The following CRYBB3 variants were observed in gnomAD, a reference collection of about 807,000 sequenced individuals.
The protein encoded by CRYBB3 is crystallin beta B3.
In CRYBB3, 35 loss-of-function variants were observed where a neutral mutation model predicts 28.3. That is an observed-to-expected ratio of 1.24 (90% CI 0.95 to 1.64). The LOEUF is 1.64. Among genes scored for constraint, CRYBB3 ranks in the 40% most tolerant of loss-of-function variants. The pLI, the probability that CRYBB3 is intolerant of heterozygous loss-of-function variation, is 0.00. For missense variants in CRYBB3, 296 were observed against 297.4 expected, an observed-to-expected ratio of 1.00 and a Z score of 0.04; for synonymous variants, 106 against 110.4, an observed-to-expected ratio of 0.96 and a Z score of 0.25.
chr22:25,206,457 C>T (rs943710755), intron 5 of CRYBB3, among the ~76,000 whole-genome samples: 2 of 152,136 alleles, frequency 1.3e-5, no homozygotes, highest in Admixed American at 1.3e-4. Context: ...GCAGGAGAAT[C>T]ACTTGAACCT....
intron 1 of CRYBB3, 77 bp from the exon 2 acceptor site, chr22:25,201,300 T>A: frequency 1.3e-6 from 2 of 1,593,876 alleles, no homozygotes; most frequent in Non-Finnish European, 1.7e-6. Context: ...GCTCTGTAGC[T>A]CATCCTGGAC....
intron 1 of CRYBB3, among the ~76,000 whole-genome samples, chr22:25,200,210 G>A (rs546479126): frequency 1.3e-5 from 2 of 152,204 alleles, no homozygotes; most frequent in Admixed American, 6.5e-5. Flanking sequence ...TCCCCCGAGA[G>A]TCCCCTGTGA....
intron 4 of CRYBB3, 28 bp downstream of exon 4, chr22:25,203,923 G>T (rs1934989994): frequency 6.2e-7 from 1 of 1,613,892 alleles, no homozygotes; most frequent in African/African-American, 1.3e-5. Flanking sequence ...TCACTTCTGG[G>T]TGTTCCTGGA....
rs746041196 is a variant in CRYBB3 at position 25,202,634 on chromosome 22, G to A, written c.76-40G>A. ...GGAGGGGCAGAGGCTGGAGCTGGGA[G>A]CCTAGCAGAGGTGGGATGTTTAGGA... On this transcript the variant is annotated intron_variant, in intron 2 of 5. Coordinates refer to ENST00000215855, the MANE Select transcript of CRYBB3 (RefSeq NM_004076.5). The A allele has an allele frequency of 6.2e-6, 10 of 1,612,174 alleles. No homozygotes were observed. The East Asian group carries it at 2.0e-4, about 32-fold the overall frequency.
In CRYBB3 at chr22:25,207,130, A is replaced by G. The variant is rs1257350788; in HGVS notation, c.554A>G (p.Asp185Gly). 1.9e-6 allele frequency: 3 copies of G among 1,613,406 alleles called. No individual in the cohort carries two copies. Among genetic ancestry groups the G allele is most frequent in the Non-Finnish European group, 2.5e-6 (3 of 1,179,940 alleles). Residue 185 changes from aspartate (D) to glycine (G), a missense_variant, in exon 6 of 6, where the codon GAC becomes GGC. Coordinates refer to ENST00000215855, the MANE Select transcript of CRYBB3 (RefSeq NM_004076.5). ...GAGTACCGCCACTGGAATGAGTGGG[A>G]CGCCAGCCAGCCGCAGCTGCAGTCT... The part of the protein sequence containing the change: ...RGEYRHWNEW[D>G]ASQPQLQSVR...
At chr22:25,204,187 C>A (rs1427452404) in intron 4 of CRYBB3, among the ~76,000 whole-genome samples, 1 of 152,188 alleles carries the variant, frequency 6.6e-6, no homozygotes, top group Non-Finnish European at 1.5e-5. Flanking sequence ...GGCCCAGTCT[C>A]AAATCAGTAT....
intron 1 of CRYBB3, among the ~76,000 whole-genome samples, chr22:25,201,173 A>G (rs1027120495): frequency 6.6e-6 from 1 of 152,112 alleles, no homozygotes; most frequent in African/African-American, 2.4e-5. Context: ...CCTCTGTACA[A>G]TGGGGCTCCT....
intron 2 of CRYBB3, 141 bp from the exon 3 acceptor site, chr22:25,202,533 G>T: frequency 6.5e-7 from 1 of 1,538,534 alleles, no homozygotes; most frequent in Non-Finnish European, 8.8e-7. Context: ...TTAGAGGGCA[G>T]TGCAGGCCCA....
At chr22:25,200,049 A>G (rs1182631261) in intron 1 of CRYBB3, 140 bp downstream of exon 1, 1 of 152,176 alleles carries the variant, frequency 6.6e-6, no homozygotes. Flanking sequence ...GGTCCCAGTG[A>G]GAGGACCCTG....
intron 2 of CRYBB3, 148 bp from the exon 3 acceptor site, chr22:25,202,526 G>A: frequency 6.6e-7 from 1 of 1,509,290 alleles, no homozygotes; most frequent in Non-Finnish European, 8.9e-7. Context: ...ATGACCATTA[G>A]AGGGCAGTGC....
chr22:25,202,080 C>T (rs983798671), intron 2 of CRYBB3, among the ~76,000 whole-genome samples: 4 of 152,122 alleles, frequency 2.6e-5, no homozygotes, highest in Admixed American at 1.3e-4. Flanking sequence ...CTGTGCAGCC[C>T]GAGGCAAGTA....
At chr22:25,200,401 G>T (rs773806844) in intron 1 of CRYBB3, among the ~76,000 whole-genome samples, 12 of 148,254 alleles carry the variant, frequency 8.1e-5, no homozygotes, top group Non-Finnish European at 1.3e-4. Context: ...TAGGTGCCTT[G>T]TTTACCACTG....
chr22:25,207,343 T>G lies in CRYBB3; in HGVS notation c.*131T>G. 1 of 824,066 alleles carries G rather than the reference T, an allele frequency of 1.2e-6. No individual in the cohort carries two copies. The highest frequency in any genetic ancestry group is 1.9e-6 in the Non-Finnish European group (1 of 536,756). The allele number at this position is 824,066 out of a possible 1,614,324, so 51.0% of individuals were successfully genotyped here. A position where few individuals can be genotyped will look rare whatever the true frequency, so the allele number is the denominator to read the frequency against. Reference sequence around the variant, plus strand: ...GAATCTGCTCAATAAAGCCTGGGGTTGGTCCCCCACCCGCCACGTTCCTCG... The same window carrying G: ...GAATCTGCTCAATAAAGCCTGGGGTGGGTCCCCCACCCGCCACGTTCCTCG... On this transcript the variant is annotated 3_prime_UTR_variant, in exon 6 of 6. Coordinates refer to ENST00000215855, the MANE Select transcript of CRYBB3 (RefSeq NM_004076.5).
chr22:25,199,950 A>T (rs1230619343), intron 1 of CRYBB3, 41 bp downstream of exon 1: 1 of 152,236 alleles, frequency 6.6e-6, no homozygotes, highest in Non-Finnish European at 1.5e-5. Context: ...GGCAAAAGCC[A>T]CCCTGGCAGG....
intron 2 of CRYBB3, among the ~76,000 whole-genome samples, chr22:25,202,287 T>C (rs778461238): frequency 1.5e-4 from 23 of 152,028 alleles, no homozygotes; most frequent in South Asian, 6.3e-4. Context: ...GGTGTTTTCA[T>C]TTTTTTAAGG....
chr22:25,202,134 T>A (rs739314), intron 2 of CRYBB3, among the ~76,000 whole-genome samples: 1 of 151,894 alleles, frequency 6.6e-6, no homozygotes, highest in Non-Finnish European at 1.5e-5. Flanking sequence ...GTAAAATGAC[T>A]AGAACAGATG....
chr22:25,207,168 C>T lies in CRYBB3; in HGVS notation c.592C>T (p.Arg198Cys), dbSNP rs772868069. ...QPQLQSVRRIRDQKWHKRGRF... is the reference protein window; with the variant it reads ...QPQLQSVRRICDQKWHKRGRF... ...GCAGCTGCAGTCTGTGCGCCGCATC[C>T]GTGACCAGAAGTGGCACAAGCGGGG... is the stretch of plus-strand genomic sequence containing the variant. The change falls in exon 6 of 6, where the codon CGT (arginine) becomes TGT (cysteine). Residue 198 changes from arginine to cysteine, a missense_variant. Coordinates refer to ENST00000215855, the MANE Select transcript of CRYBB3 (RefSeq NM_004076.5). 2.3e-5 allele frequency: 37 copies of T among 1,613,642 alleles called. No individual in the cohort carries two copies. The highest frequency in any genetic ancestry group is 1.3e-4 in the East Asian group (6 of 44,876).
chr22:25,202,003 C>A (rs533604947), intron 2 of CRYBB3, among the ~76,000 whole-genome samples: 1 of 152,322 alleles, frequency 6.6e-6, no homozygotes, highest in South Asian at 2.1e-4. Context: ...TCTCCGGGGT[C>A]TTTTTGGGAA....
intron 1 of CRYBB3, among the ~76,000 whole-genome samples, chr22:25,200,378 T>C (rs949855592): frequency 6.6e-6 from 1 of 151,924 alleles, no homozygotes; most frequent in African/African-American, 2.4e-5. Flanking sequence ...CAGTTGGATG[T>C]GGGGTGTAGA....
Sources: gnomAD v4.1 joint callset for allele counts (sites outside exome capture counted in the v4.1 genomes callset) on GRCh38, gnomAD v4.1.1 for gene constraint, MANE v1.5 for transcripts, NCBI Gene and HGNC (gene_info 2026-07-23, HGNC 2026-07-21) for gene names.